The following SLC26A1 variants were observed in gnomAD, a reference collection of about 807,000 sequenced individuals.
SLC26A1 encodes the protein solute carrier family 26 member 1.
In SLC26A1, 18 loss-of-function variants were observed where a neutral mutation model predicts 14.5. That is an observed-to-expected ratio of 1.24 (90% CI 0.86 to 1.84). SLC26A1 has a LOEUF of 1.84. Ranked by LOEUF, SLC26A1 falls within the 40% of genes most tolerant of loss-of-function variation. The pLI, the probability that SLC26A1 is intolerant of heterozygous loss-of-function variation, is 0.00. For synonymous variants in SLC26A1, 505 were observed against 492.0 expected (o/e 1.03, Z -0.35); for missense variants, 1,049 against 1,020.0 (o/e 1.03, Z -0.39).
At chr4:987,240 C>G (rs1421520718), downstream of SLC26A1, 42 of 1,514,040 alleles carry the variant, frequency 2.8e-5, no homozygotes, top group Non-Finnish European at 3.6e-5. Flanking sequence ...GCACAGGCTT[C>G]TGGTGAGCGC....
At position 991,420 on chromosome 4, in the gene SLC26A1, C is replaced by G; in HGVS notation, c.284G>C (p.Gly95Ala). The G allele has an allele frequency of 6.2e-7, 1 of 1,612,824 alleles. No individual in the cohort carries two copies. The highest frequency in any genetic ancestry group is 8.5e-7 in the Non-Finnish European group (1 of 1,179,956). ...PQAIAYSLLA[G>A]LQPIYSLYTS... The stretch of plus-strand genomic sequence containing the variant: ...ATAGAGGCTGTAGATGGGCTGCAGC[C>G]CGGCCAGCAATGAGTAGGCGATGGC... The change falls in exon 2 of 3, where the codon GGG becomes GCG. Residue 95 changes from glycine to alanine, a missense_variant. Transcript: ENST00000398516.
intron 2 of SLC26A1, among the ~76,000 whole-genome samples, chr4:981,818 CT>C (rs1361036913): frequency 2.6e-5 from 4 of 151,458 alleles, no homozygotes; most frequent in African/African-American, 7.3e-5. Flanking sequence ...GCCGTCCACT[CT>C]TTTTTTTTCT....
chr4:991,769 G>A (rs1714364516), intron 1 of SLC26A1, 39 bp from the exon 2 acceptor site: 1 of 1,529,128 alleles, frequency 6.5e-7, no homozygotes, highest in Non-Finnish European at 8.8e-7. Context: ...GGAGCCCCCG[G>A]ATCCAGGGCC....
chr4:981,038 C>A (rs1267758297), intron 2 of SLC26A1, among the ~76,000 whole-genome samples: 2 of 152,188 alleles, frequency 1.3e-5, no homozygotes, highest in Non-Finnish European at 2.9e-5. Context: ...ACCAGCGACT[C>A]CCCAGTCAGC....
downstream of SLC26A1, among the ~76,000 whole-genome samples, chr4:983,206 T>C (rs540852205): frequency 1.3e-5 from 2 of 152,354 alleles, no homozygotes; most frequent in South Asian, 2.1e-4. Flanking sequence ...TTTCTGTTGC[T>C]TTTGTTGGGG....
chr4:990,014 C>A lies in SLC26A1; in HGVS notation c.925G>T (p.Gly309Trp). The A allele has an allele frequency of 6.3e-7, 1 of 1,580,384 alleles. No individual in the cohort carries two copies. Among genetic ancestry groups the A allele is most frequent in the Non-Finnish European group, 8.6e-7 (1 of 1,165,160 alleles). Residue 309 changes from glycine (G) to tryptophan (W), a missense_variant, in exon 3 of 3, where the codon GGG becomes TGG. Coordinates refer to ENST00000398516, the MANE Select transcript of SLC26A1 (RefSeq NM_022042.4). ...IVVATLVSHF[G>W]QLHKRFGSSV... is the part of the protein sequence containing the mutation. ...GAGCCAAAGCGCTTGTGGAGCTGCC[C>A]GAAGTGCGACACGAGTGTGGCCACC...
chr4:990,249 G>C lies in SLC26A1; in HGVS notation c.690C>G (p.His230Gln). 1 of 1,587,446 alleles carries C rather than the reference G, an allele frequency of 6.3e-7. No individual in the cohort carries two copies. The highest frequency in any genetic ancestry group is 2.3e-5 in the East Asian group (1 of 43,894). The change falls in exon 3 of 3, where the codon CAC (histidine) becomes CAG (glutamine). Residue 230 changes from histidine (H) to glutamine (Q), a missense_variant. Transcript: ENST00000398516. ...SVTILTSQLK[H>Q]LLGVRIPRHQ... The stretch of plus-strand genomic sequence containing the variant: ...GCCGCGGGATCCGCACGCCCAGCAG[G>C]TGTTTGAGCTGCGAGGTCAGGATGG...
intron 2 of SLC26A1, among the ~76,000 whole-genome samples, chr4:981,447 G>A (rs957315411): frequency 1.3e-5 from 2 of 151,942 alleles, no homozygotes; most frequent in East Asian, 1.9e-4. Context: ...CCCTTAGCCC[G>A]GACAACAGAG....
intron 2 of SLC26A1, among the ~76,000 whole-genome samples, chr4:981,218 C>T (rs924829585): frequency 3.9e-5 from 6 of 152,250 alleles, no homozygotes; most frequent in Non-Finnish European, 7.3e-5. Context: ...CGCGGGCCCA[C>T]GTGCATGGAG....
chr4:987,223 TGGA>T (rs1713799705), downstream of SLC26A1: 1 of 1,501,082 alleles, frequency 6.7e-7, no homozygotes, highest in Non-Finnish European at 8.8e-7. Context: ...GCGGCGCTTC[TGGA>T]GGAGCACAGG....
rs749161317 is a variant in SLC26A1 at position 989,383 on chromosome 4, G to A, written c.1556C>T (p.Thr519Met). Residue 519 changes from threonine (T) to methionine (M), a missense_variant, in exon 3 of 3, where the codon ACG becomes ATG. By Grantham distance (81) the Thr-to-Met change is moderately conservative. Transcript: ENST00000398516. ...CTCTGTGGCATCCTCGTAGAAGGCC[G>A]TGTCCCCGATGCGGGCCAGCAGGGC... is the stretch of plus-strand genomic sequence containing the variant. Reference protein sequence around the residue: ...RTALLARIGDTAFYEDATEFE... With the variant: ...RTALLARIGDMAFYEDATEFE... The A allele has an allele frequency of 1.3e-5, 20 of 1,575,420 alleles. No homozygotes were observed. The highest frequency in any genetic ancestry group is 1.8e-5 in the Admixed American group (1 of 54,220).
rs755526832 is a variant in SLC26A1, at chr4:991,496, C to T, written c.208G>A (p.Ala70Thr). The T allele has an allele frequency of 2.7e-5, 44 of 1,610,126 alleles. No individual in the cohort carries two copies. Among genetic ancestry groups the T allele is most frequent in the East Asian group, 6.7e-5 (3 of 44,822 alleles). ...ACCAGCCCAGACATGACGTCGCCTG[C>T]CAGGTACTCCCGCGGGCGGTACTGA... is the stretch of plus-strand genomic sequence containing the variant. ...LRQYRPREYLAGDVMSGLVIG... is the reference protein window; with the variant it reads ...LRQYRPREYLTGDVMSGLVIG... Residue 70 changes from alanine to threonine, a missense_variant, in exon 2 of 3, where the codon GCA (alanine) becomes ACA (threonine). Ala to Thr is a moderately conservative substitution (Grantham distance 58, BLOSUM62 0). Coordinates refer to ENST00000398516, the MANE Select transcript of SLC26A1 (RefSeq NM_022042.4).
At chr4:985,926 T>G (rs972219356), downstream of SLC26A1, among the ~76,000 whole-genome samples, 7 of 151,590 alleles carry the variant, frequency 4.6e-5, no homozygotes, top group African/African-American at 1.7e-4. Context: ...CTTTTTTTCT[T>G]TTCTTTTTTT....
At chr4:986,409 G>A (rs1713731008), downstream of SLC26A1, among the ~76,000 whole-genome samples, 1 of 152,104 alleles carries the variant, frequency 6.6e-6, no homozygotes, top group African/African-American at 2.4e-5. Flanking sequence ...CATTACCTAC[G>A]CACATCCTAC....
Position 988,982 on chromosome 4 carries a change from C to T in SLC26A1, c.1957G>A (p.Val653Met). 1 of 1,595,080 alleles carries T rather than the reference C, an allele frequency of 6.3e-7. No individual in the cohort carries two copies. Among genetic ancestry groups the T allele is most frequent in the Non-Finnish European group, 8.5e-7 (1 of 1,171,470 alleles). ...CCTCCTCTGCTCAGAATGTCTCTCA[C>T]AGGCGGGCTGCAGCAGGCTAGCAGC... ...SLLLACCSPPVRDILSRGGFL... is the reference protein window; with the variant it reads ...SLLLACCSPPMRDILSRGGFL... Residue 653 changes from valine (V) to methionine (M), a missense_variant, in exon 3 of 3, where the codon GTG (valine) becomes ATG (methionine). Coordinates refer to ENST00000398516, the MANE Select transcript of SLC26A1 (RefSeq NM_022042.4).
intron 2 of SLC26A1, chr4:979,574 C>A (rs939896947): frequency 6.3e-7 from 1 of 1,590,776 alleles, no homozygotes; most frequent in East Asian, 2.3e-5. Flanking sequence ...AGCCAAACGT[C>A]CCCCTGCCGG....
Position 988,602 on chromosome 4 carries a change from G to A in SLC26A1, c.*231C>T. 1 of 1,376,790 alleles carries A rather than the reference G, an allele frequency of 7.3e-7. No individual in the cohort carries two copies. Among genetic ancestry groups the A allele is most frequent in the Non-Finnish European group, 9.3e-7 (1 of 1,070,380 alleles). 85.3% of individuals were successfully genotyped at this position (1,376,790 alleles called of 1,614,324 possible). On this transcript the variant is annotated 3_prime_UTR_variant, in exon 3 of 3. Coordinates refer to ENST00000398516, the MANE Select transcript of SLC26A1 (RefSeq NM_022042.4). ...GCATTGGGGCCCAGCCAGCACTGTG[G>A]GCCAGCCTGTCTCGGAGGCAGAGGT...
chr4:986,821 G>A, downstream of SLC26A1: 1 of 621,728 alleles, frequency 1.6e-6, no homozygotes, highest in South Asian at 1.5e-5. Flanking sequence ...ACCAACGGGC[G>A]AAGCGTTCTT....
Position 988,600 on chromosome 4 carries a change from T to C in SLC26A1, c.*233A>G. ...GTGCATTGGGGCCCAGCCAGCACTG[T>C]GGGCCAGCCTGTCTCGGAGGCAGAG... On this transcript the variant is annotated 3_prime_UTR_variant, in exon 3 of 3. Coordinates refer to ENST00000398516, the MANE Select transcript of SLC26A1 (RefSeq NM_022042.4). The C allele has an allele frequency of 5.8e-6, 8 of 1,368,110 alleles. No individual in the cohort carries two copies. Among genetic ancestry groups the C allele is most frequent in the Non-Finnish European group, 7.5e-6 (8 of 1,065,614 alleles). The allele number at this position is 1,368,110 out of a possible 1,614,324, so 84.7% of individuals were successfully genotyped here.
Sources: allele counts gnomAD v4.1 joint callset (sites outside exome capture counted in the v4.1 genomes callset), GRCh38; gene constraint gnomAD v4.1.1; transcripts MANE v1.5; gene names NCBI Gene and HGNC (gene_info 2026-07-23, HGNC 2026-07-21).